Variants in PARM1 observed in about 807,000 individuals in gnomAD.
PARM1 encodes the protein prostate androgen-regulated mucin-like protein 1.
In PARM1, 14 loss-of-function variants were observed where a neutral mutation model predicts 24.6. The observed-to-expected ratio is 0.57, with a 90% CI of 0.38 to 0.89. The LOEUF is 0.89. Among genes scored for constraint, PARM1 ranks in the 40% least tolerant of loss-of-function variants. The pLI is 0.00. For synonymous variants in PARM1, 179 were observed against 156.6 expected, an observed-to-expected ratio of 1.14 and a Z score of -1.07; for missense variants, 362 against 380.4, an observed-to-expected ratio of 0.95 and a Z score of 0.40.
chr4:75,040,400 T>C (rs1723458682), intron 3 of PARM1, among the ~76,000 whole-genome samples: 3 of 152,044 alleles, frequency 2.0e-5, no homozygotes, highest in Non-Finnish European at 2.9e-5. Flanking sequence ...TTTCAAGATA[T>C]GCTTGAAAGT....
At chr4:74,952,859 G>GAT (rs1203230461) in intron 1 of PARM1, among the ~76,000 whole-genome samples, 1 of 152,288 alleles carries the variant, frequency 6.6e-6, no homozygotes, top group East Asian at 1.9e-4. Flanking sequence ...ATTTGTGAGT[G>GAT]ATATATATGT....
chr4:75,010,171 C>T (rs2109792689), intron 1 of PARM1, among the ~76,000 whole-genome samples: 2 of 152,280 alleles, frequency 1.3e-5, no homozygotes, highest in South Asian at 4.2e-4. Context: ...ATTATTCAGC[C>T]TTAAAAAGGA....
At chr4:75,042,871 G>T (rs189618764) in intron 3 of PARM1, among the ~76,000 whole-genome samples, 11 of 150,970 alleles carry the variant, frequency 7.3e-5, no homozygotes, top group African/African-American at 2.2e-4. Context: ...TCCCAATTTT[G>T]GTTCATCCAT....
chr4:74,938,414 A>G (rs17195755), intron 1 of PARM1, among the ~76,000 whole-genome samples: 10,177 of 152,298 alleles, frequency 0.067, 414 homozygotes, highest in Non-Finnish European at 0.088. Context: ...AATTGGGCAC[A>G]TTAGTTTATA....
intron 1 of PARM1, among the ~76,000 whole-genome samples, chr4:74,979,347 A>G (rs1468453680): frequency 6.6e-6 from 1 of 152,160 alleles, no homozygotes; most frequent in South Asian, 2.1e-4. Context: ...ATGCAAACAA[A>G]CTAGAAAATC....
chr4:75,010,773 A>AGTGGAAAGCACATTAAAAGG (rs1301874688), intron 1 of PARM1, among the ~76,000 whole-genome samples: 1 of 152,228 alleles, frequency 6.6e-6, no homozygotes, highest in Non-Finnish European at 1.5e-5. Context: ...CTGGCTGCTA[A>AGTGGAAAGCACATTAAAAGG]GTGGAAAGCA....
intron 1 of PARM1, chr4:74,997,925 T>C (rs1026003375): frequency 5.3e-5 from 8 of 152,246 alleles, no homozygotes; most frequent in Non-Finnish European, 1.2e-4. Flanking sequence ...CGTAAAATTA[T>C]TCTTTGAGTT....
intron 1 of PARM1, among the ~76,000 whole-genome samples, chr4:74,987,587 AAATATTCAAGGTGTTTGTTAAGAC>A (rs1220462833): frequency 1.2e-4 from 18 of 152,354 alleles, no homozygotes; most frequent in Non-Finnish European, 2.5e-4. Flanking sequence ...TTAAAAATTA[AAATATTCAAGGTGTTTGTTAAGAC>A]AGGTTATGTC....
intron 1 of PARM1, among the ~76,000 whole-genome samples, chr4:74,935,837 T>G (rs1721171151): frequency 6.6e-6 from 1 of 152,046 alleles, no homozygotes; most frequent in Non-Finnish European, 1.5e-5. Flanking sequence ...CGGGTATATA[T>G]AAATATATTT....
intron 2 of PARM1, among the ~76,000 whole-genome samples, chr4:75,014,669 G>A (rs1722946780): frequency 6.6e-6 from 1 of 152,198 alleles, no homozygotes; most frequent in Admixed American, 6.5e-5. Context: ...ACCCACTGGT[G>A]TGGTCCATGC....
chr4:74,937,082 A>G (rs1312473223), intron 1 of PARM1, among the ~76,000 whole-genome samples: 2 of 152,218 alleles, frequency 1.3e-5, no homozygotes, highest in Non-Finnish European at 2.9e-5. Context: ...TGGATCTGGT[A>G]GATACCTCTT....
intron 1 of PARM1, among the ~76,000 whole-genome samples, chr4:74,972,706 CG>C (rs11313641): frequency 0.22 from 33,648 of 152,032 alleles, 4,320 homozygotes; most frequent in African/African-American, 0.34. Flanking sequence ...TTTCTTTTTC[CG>C]ATCAGCAGAA....
intron 1 of PARM1, among the ~76,000 whole-genome samples, chr4:74,990,023 A>G (rs972980081): frequency 1.3e-5 from 2 of 152,182 alleles, no homozygotes; most frequent in Admixed American, 1.3e-4. Flanking sequence ...AGAAACTGTA[A>G]CATACAAGAG....
intron 1 of PARM1, among the ~76,000 whole-genome samples, chr4:74,951,476 C>T (rs1028553629): frequency 7.2e-5 from 11 of 152,162 alleles, no homozygotes; most frequent in Admixed American, 5.9e-4. Flanking sequence ...TTCTGGGGTA[C>T]GTATGCAGAA....
At chr4:74,952,289 A>AT (rs778969788) in intron 1 of PARM1, among the ~76,000 whole-genome samples, 1 of 151,590 alleles carries the variant, frequency 6.6e-6, no homozygotes. Context: ...GGGGTTGTTT[A>AT]TTTTTTTCTT....
chr4:75,039,104 T>C (rs1723427718), intron 3 of PARM1, among the ~76,000 whole-genome samples: 4 of 152,214 alleles, frequency 2.6e-5, no homozygotes. Context: ...GCCAAGATCT[T>C]CTAGAATTTG....
intron 1 of PARM1, among the ~76,000 whole-genome samples, chr4:74,940,973 C>G (rs1054672897): frequency 3.3e-5 from 5 of 152,196 alleles, no homozygotes; most frequent in Admixed American, 6.5e-5. Flanking sequence ...CTCACTGCCA[C>G]TTGTTCACCA....
chr4:75,012,995 C>T lies in PARM1; in HGVS notation c.614C>T (p.Thr205Ile), dbSNP rs1722910420. Residue 205 changes from threonine (T) to isoleucine (I), a missense_variant, in exon 2 of 4, where the codon ACA becomes ATA. Thr to Ile is a moderately conservative substitution (Grantham distance 89, BLOSUM62 -1). Coordinates refer to ENST00000307428, the MANE Select transcript of PARM1 (RefSeq NM_015393.4). Reference protein sequence around the residue: ...SPTEESSSDHTPTSHATAEPV... With the variant: ...SPTEESSSDHIPTSHATAEPV... ...ACAGAGGAGTCCAGCTCTGACCACACACCCACTTCACATGCCACAGCTGAG... is the reference window on the plus strand; with the variant it reads ...ACAGAGGAGTCCAGCTCTGACCACATACCCACTTCACATGCCACAGCTGAG... 6.2e-7 allele frequency: 1 copy of T among 1,613,910 alleles called. No individual in the cohort carries two copies. The highest frequency in any genetic ancestry group is 8.5e-7 in the Non-Finnish European group (1 of 1,179,900).
At chr4:75,001,346 G>C (rs1722676909) in intron 1 of PARM1, among the ~76,000 whole-genome samples, 1 of 152,230 alleles carries the variant, frequency 6.6e-6, no homozygotes. Context: ...CTCACAGTGA[G>C]TGAAAGAATT....
Sources: allele counts gnomAD v4.1 joint callset (sites outside exome capture counted in the v4.1 genomes callset), GRCh38; gene constraint gnomAD v4.1.1; transcripts MANE v1.5; gene names NCBI Gene and HGNC (gene_info 2026-07-23, HGNC 2026-07-21).